Variants in CLYBL observed in about 807,000 individuals in gnomAD.
CLYBL encodes the protein citramalyl-CoA lyase.
Under a neutral mutation model 38.9 loss-of-function variants are expected in CLYBL, and 31 were observed. The ratio of observed to expected loss-of-function variants is 0.80; its 90% confidence interval spans 0.60 to 1.08. The LOEUF (loss-of-function observed/expected upper bound fraction) is 1.08. Ranked by LOEUF, CLYBL falls within the 50% of genes least tolerant of loss-of-function variation. The pLI is 0.00. For missense variants in CLYBL, 434 were observed against 411.6 expected (o/e 1.05, Z -0.47); for synonymous variants, 171 against 158.6 (o/e 1.08, Z -0.59).
chr13:99,839,388 A>G (rs1419398652), intron 2 of CLYBL, among the ~76,000 whole-genome samples: 1 of 152,264 alleles, frequency 6.6e-6, no homozygotes, highest in Non-Finnish European at 1.5e-5. Context: ...ACACAGAAAC[A>G]GATCATCAGT....
downstream of CLYBL, among the ~76,000 whole-genome samples, chr13:99,899,305 G>T (rs1293642184): frequency 6.6e-6 from 1 of 152,210 alleles, no homozygotes; most frequent in Admixed American, 6.5e-5. Flanking sequence ...TTCCAGTGGG[G>T]TTAGCCAAGA....
chr13:99,878,235 G>T (rs1376281965), intron 7 of CLYBL, among the ~76,000 whole-genome samples: 1 of 152,108 alleles, frequency 6.6e-6, no homozygotes, highest in Non-Finnish European at 1.5e-5. Context: ...TATTTCATCA[G>T]TTGTTATTCA....
chr13:99,859,482 G>A lies in CLYBL; in HGVS notation c.438+433G>A, dbSNP rs868131645. Among the ~76,000 whole-genome samples, 7 of 152,146 alleles carry A rather than the reference G, an allele frequency of 4.6e-5. No homozygotes were observed. The South Asian group carries it at 1.5e-3, about 32-fold the overall frequency. The stretch of plus-strand genomic sequence containing the variant: ...CCCAGGCAGGGAGGGCACATTTGCC[G>A]CATATGAAAAAATGAACCCAAAGAA... On this transcript the variant is annotated intron_variant, in intron 3 of 8. Coordinates refer to ENST00000339105, the MANE Select transcript of CLYBL (RefSeq NM_206808.5).
intron 1 of CLYBL, among the ~76,000 whole-genome samples, chr13:99,768,694 G>A (rs935728981): frequency 6.6e-6 from 1 of 151,480 alleles, no homozygotes; most frequent in South Asian, 2.1e-4. Flanking sequence ...TGTATTTTTA[G>A]TAGAGACATT....
Position 99,828,365 on chromosome 13 carries a change from G to A in CLYBL, c.250-30496G>A, listed in dbSNP as rs568650693. Reference sequence around the variant, plus strand: ...CTGTGGGTTAGGGGAATTTTCCCATGGTAGCGACAGCTGTTCCCACAGAAA... The same window carrying A: ...CTGTGGGTTAGGGGAATTTTCCCATAGTAGCGACAGCTGTTCCCACAGAAA... On this transcript the variant is annotated intron_variant, in intron 2 of 8. Coordinates refer to ENST00000339105, the MANE Select transcript of CLYBL (RefSeq NM_206808.5). 7.2e-5 allele frequency among the ~76,000 whole-genome samples: 11 copies of A among 152,318 alleles called. No individual in the cohort carries two copies. In the South Asian group the frequency reaches 1.5e-3, roughly 20 times the overall value.
intron 1 of CLYBL, among the ~76,000 whole-genome samples, chr13:99,623,991 A>G (rs1209416016): frequency 6.6e-6 from 1 of 151,378 alleles, no homozygotes; most frequent in Non-Finnish European, 1.5e-5. Context: ...GAGATGATGC[A>G]TTGAATGCTA....
chr13:99,824,753 T>C (rs1336946526), intron 2 of CLYBL, among the ~76,000 whole-genome samples: 4 of 152,218 alleles, frequency 2.6e-5, no homozygotes, highest in African/African-American at 9.6e-5. Context: ...AAAAATATTT[T>C]CTGCATCTCT....
At chr13:99,848,745 C>T (rs1240986127) in intron 2 of CLYBL, among the ~76,000 whole-genome samples, 1 of 152,242 alleles carries the variant, frequency 6.6e-6, no homozygotes, top group Non-Finnish European at 1.5e-5. Context: ...CTAACTTTGC[C>T]CCTCTGAGGC....
intron 1 of CLYBL, among the ~76,000 whole-genome samples, chr13:99,713,334 C>CTTT (rs759844768): frequency 9.8e-5 from 10 of 101,666 alleles, no homozygotes; most frequent in Admixed American, 3.0e-4. Flanking sequence ...TTCTCTATTT[C>CTTT]TTTTTTTTTT....
chr13:99,788,626 A>G (rs1290044259), intron 2 of CLYBL, among the ~76,000 whole-genome samples: 2 of 152,130 alleles, frequency 1.3e-5, no homozygotes, highest in East Asian at 3.9e-4. Flanking sequence ...GGATTTTTGC[A>G]CTGATGTTCA....
chr13:99,669,350 C>A (rs745658416), intron 1 of CLYBL, among the ~76,000 whole-genome samples: 1 of 152,048 alleles, frequency 6.6e-6, no homozygotes, highest in Non-Finnish European at 1.5e-5. Flanking sequence ...CATGGAGACA[C>A]GTGAAGAACA....
intron 1 of CLYBL, among the ~76,000 whole-genome samples, chr13:99,676,062 G>A (rs1171384224): frequency 1.3e-5 from 2 of 152,074 alleles, no homozygotes; most frequent in African/African-American, 4.8e-5. Flanking sequence ...CATTATGTTG[G>A]CCATGCTGGT....
intron 7 of CLYBL, among the ~76,000 whole-genome samples, chr13:99,888,968 A>C (rs1301625614): frequency 2.0e-5 from 3 of 152,214 alleles, no homozygotes; most frequent in Non-Finnish European, 4.4e-5. Flanking sequence ...CTCATTCATA[A>C]CACTACCATC....
At position 99,840,803 on chromosome 13, in the gene CLYBL, A is replaced by T. The variant is rs969464353; in HGVS notation, c.250-18058A>T. Among the ~76,000 whole-genome samples, 4 of 151,002 alleles carry T rather than the reference A, an allele frequency of 2.6e-5. 1 individual carries two copies. Among genetic ancestry groups the T allele is most frequent in the African/African-American group, 4.9e-5 (2 of 41,132 alleles). ...AAAGGGTTACATATGCATATGAAAA[A>T]AGGCAGAAAACCGTATTCCCTACTG... On this transcript the variant is annotated intron_variant, in intron 2 of 8. Transcript: ENST00000339105.
chr13:99,761,004 C>T (rs2049154750), intron 1 of CLYBL, among the ~76,000 whole-genome samples: 1 of 152,214 alleles, frequency 6.6e-6, no homozygotes, highest in African/African-American at 2.4e-5. Context: ...TAATCAACTT[C>T]TCTTCATACC....
intron 1 of CLYBL, among the ~76,000 whole-genome samples, chr13:99,740,526 C>G (rs1436264675): frequency 6.6e-6 from 1 of 152,242 alleles, no homozygotes; most frequent in Non-Finnish European, 1.5e-5. Context: ...CATTTCCCCT[C>G]TCCGTCTGTC....
At chr13:99,694,873 A>G (rs2047956004) in intron 1 of CLYBL, among the ~76,000 whole-genome samples, 1 of 152,158 alleles carries the variant, frequency 6.6e-6, no homozygotes, top group Admixed American at 6.5e-5. Context: ...CAGTTGATTA[A>G]GTGTGGGGAA....
At chr13:99,748,830 C>T (rs2048903927) in intron 1 of CLYBL, among the ~76,000 whole-genome samples, 1 of 152,120 alleles carries the variant, frequency 6.6e-6, no homozygotes, top group South Asian at 2.1e-4. Context: ...TGGCTTATTT[C>T]ATTCAGCATA....
intron 2 of CLYBL, among the ~76,000 whole-genome samples, chr13:99,851,367 C>CAAA (rs35539387): frequency 2.7e-4 from 17 of 63,062 alleles, no homozygotes; most frequent in Admixed American, 4.5e-4. Context: ...AAGTCCACCT[C>CAAA]AAAAAAAAAA....
Sources: gnomAD v4.1 joint callset for allele counts (sites outside exome capture counted in the v4.1 genomes callset) on GRCh38, gnomAD v4.1.1 for gene constraint, MANE v1.5 for transcripts, NCBI Gene and HGNC (gene_info 2026-07-23, HGNC 2026-07-21) for gene names.